ACTR3C: variants seen among roughly 807,000 people sequenced by gnomAD.
ACTR3C encodes actin related protein 3C.
Under a neutral mutation model 26.3 loss-of-function variants are expected in ACTR3C, and 18 were observed. The observed-to-expected ratio is 0.68, with a 90% CI of 0.47 to 1.01. The LOEUF is 1.01. Among genes scored for constraint, ACTR3C ranks in the 50% least tolerant of loss-of-function variants. The pLI is 0.00. For synonymous variants in ACTR3C, 55 were observed against 94.5 expected, an observed-to-expected ratio of 0.58 and a Z score of 2.42; for missense variants, 184 against 250.7, an observed-to-expected ratio of 0.73 and a Z score of 1.80.
intron 6 of ACTR3C, among the ~76,000 whole-genome samples, chr7:150,262,163 CTTTG>C (rs1833691016): frequency 6.6e-6 from 1 of 150,746 alleles, no homozygotes; most frequent in Non-Finnish European, 1.5e-5. Context: ...TGTTCCCTGA[CTTTG>C]TTTGCACAGG....
chr7:149,965,539 T>C, the ACTR3C span, among the ~76,000 whole-genome samples: 142,500 of 148,540 alleles, frequency 0.96, 68,568 homozygotes, highest in Non-Finnish European at 0.99. Flanking sequence ...AATTCTTGGC[T>C]TCCTTCAAGC....
At chr7:149,922,079 A>C in the ACTR3C span, among the ~76,000 whole-genome samples, 1 of 143,334 alleles carries the variant, frequency 7.0e-6, no homozygotes, top group African/African-American at 2.4e-5. Flanking sequence ...ACTCTTCGCC[A>C]TGCTTACAAT....
At chr7:149,914,464 G>A in the ACTR3C span, among the ~76,000 whole-genome samples, 3 of 151,808 alleles carry the variant, frequency 2.0e-5, no homozygotes, top group East Asian at 1.9e-4. Context: ...ATGGTGGCAC[G>A]TGCCTGCAGT....
chr7:150,198,443 G>A, the ACTR3C span, among the ~76,000 whole-genome samples: 196 of 139,978 alleles, frequency 1.4e-3, 1 homozygote, highest in African/African-American at 5.3e-3. Context: ...AGTGAGGAGC[G>A]TCTCTGCCCG....
intron 6 of ACTR3C, among the ~76,000 whole-genome samples, chr7:150,263,709 GACAA>G (rs1389032387): frequency 2.6e-5 from 4 of 152,050 alleles, no homozygotes; most frequent in Admixed American, 6.5e-5. Flanking sequence ...GAACAACGTG[GACAA>G]ACAGTCTTTG....
At chr7:149,944,103 G>A in the ACTR3C span, among the ~76,000 whole-genome samples, 1 of 144,474 alleles carries the variant, frequency 6.9e-6, no homozygotes, top group Non-Finnish European at 1.5e-5. Context: ...GCCAGTGTGT[G>A]CTGCTTACTG....
the ACTR3C span, among the ~76,000 whole-genome samples, chr7:150,170,802 A>G: frequency 7.4e-5 from 11 of 148,336 alleles, 1 homozygote; most frequent in Non-Finnish European, 1.6e-4. Flanking sequence ...CATCACATTA[A>G]TATGGGTCAT....
At chr7:150,322,945 T>G (rs991569908) in intron 1 of ACTR3C, 1 of 152,262 alleles carries the variant, frequency 6.6e-6, no homozygotes, top group Non-Finnish European at 1.5e-5. Context: ...GCGGACGAGG[T>G]CCGGGTCGCA....
At chr7:150,190,498 T>G in the ACTR3C span, among the ~76,000 whole-genome samples, 13 of 152,238 alleles carry the variant, frequency 8.5e-5, no homozygotes, top group Non-Finnish European at 1.8e-4. Flanking sequence ...TTTCATAGAT[T>G]AAATTTACAC....
At chr7:150,302,448 T>C (rs113712255) in intron 1 of ACTR3C, among the ~76,000 whole-genome samples, 6 of 151,596 alleles carry the variant, frequency 4.0e-5, no homozygotes, top group Admixed American at 3.9e-4. Flanking sequence ...TTATTTCTTA[T>C]AAAACCAAGA....
In ACTR3C at chr7:150,321,510, C is replaced by T. The variant is rs569557340; in HGVS notation, c.-52+1959G>A. 1.4e-4 allele frequency among the ~76,000 whole-genome samples: 21 copies of T among 152,230 alleles called. No individual in the cohort carries two copies. The South Asian group carries it at 4.1e-3, about 30-fold the overall frequency. ...ATCCCAGCACTTTGGGAGGCCAAGG[C>T]GGGCAGATCACTTGAAGTCAGGAGT... On this transcript the variant is annotated intron_variant, in intron 1 of 7. Coordinates refer to ENST00000683684, the MANE Select transcript of ACTR3C (RefSeq NM_001164458.2).
At chr7:149,914,793 C>A in the ACTR3C span, among the ~76,000 whole-genome samples, 1 of 151,748 alleles carries the variant, frequency 6.6e-6, no homozygotes, top group African/African-American at 2.4e-5. Context: ...TGATTTTACA[C>A]TGTTTAGGAA....
chr7:150,131,864 T>C, the ACTR3C span, among the ~76,000 whole-genome samples: 1 of 152,238 alleles, frequency 6.6e-6, no homozygotes, highest in East Asian at 1.9e-4. Context: ...CCCAATGGGA[T>C]GGCTCAGTCA....
chr7:149,924,839 G>GCTGGTCTCAAATTC, the ACTR3C span, among the ~76,000 whole-genome samples: 5 of 152,144 alleles, frequency 3.3e-5, no homozygotes, highest in Non-Finnish European at 5.9e-5. Context: ...TGTTGGCCAA[G>GCTGGTCTCAAATTC]CTGGTCTCAA....
the ACTR3C span, among the ~76,000 whole-genome samples, chr7:150,131,690 T>C: frequency 2.0e-5 from 3 of 152,072 alleles, no homozygotes; most frequent in Non-Finnish European, 4.4e-5. Flanking sequence ...ACCACATGAC[T>C]CAGGAATTCC....
intron 6 of ACTR3C, among the ~76,000 whole-genome samples, chr7:150,278,960 A>G: frequency 6.6e-6 from 1 of 152,060 alleles, no homozygotes; most frequent in East Asian, 1.9e-4. Context: ...TTTTTTTCTG[A>G]TTTTCTCTCT....
the ACTR3C span, among the ~76,000 whole-genome samples, chr7:150,193,991 G>GAC: frequency 0.059 from 7,818 of 131,840 alleles, 303 homozygotes; most frequent in African/African-American, 0.12. Context: ...TACACACACA[G>GAC]ACACACACAC....
At chr7:150,039,703 G>T in the ACTR3C span, among the ~76,000 whole-genome samples, 1 of 146,536 alleles carries the variant, frequency 6.8e-6, no homozygotes, top group Non-Finnish European at 1.5e-5. Context: ...AGCCGGGGGG[G>T]AAGAGGGTCT....
the ACTR3C span, among the ~76,000 whole-genome samples, chr7:150,037,493 G>A: frequency 1.8e-3 from 86 of 48,164 alleles, 34 homozygotes; most frequent in Admixed American, 0.011. Context: ...AGCAACAGCC[G>A]GGGGTGGAAG....
Sources: gnomAD v4.1 joint callset for allele counts (sites outside exome capture counted in the v4.1 genomes callset) on GRCh38, gnomAD v4.1.1 for gene constraint, MANE v1.5 for transcripts, NCBI Gene and HGNC (gene_info 2026-07-23, HGNC 2026-07-21) for gene names.